The following WDR35 variants were observed in gnomAD, a reference collection of about 807,000 sequenced individuals.
WDR35 encodes the protein WD repeat domain 35.
WDR35 carries 118 observed loss-of-function variants against 158.3 expected under a neutral mutation model. That is an observed-to-expected ratio of 0.75 (90% CI 0.64 to 0.87). WDR35 has a LOEUF of 0.87. Among genes scored for constraint, WDR35 ranks in the 40% least tolerant of loss-of-function variants. The probability of loss-of-function intolerance (pLI) is 0.00; values close to 1 mark genes in which losing one functional copy is unlikely to be tolerated. For missense variants in WDR35, 1,263 were observed against 1,405.8 expected (o/e 0.90, Z 1.62); for synonymous variants, 448 against 476.1 (o/e 0.94, Z 0.77).
chr2:19,974,445 T>G (rs776409781), intron 7 of WDR35, 23 bp downstream of exon 7: 4 of 1,560,372 alleles, frequency 2.6e-6, no homozygotes, highest in Non-Finnish European at 3.5e-6. Context: ...TAAAAAAATT[T>G]TTTAAACAGA....
Position 19,937,793 on chromosome 2 carries a change from G to A in WDR35, c.2217C>T (p.Tyr739=). Residue 739 remains tyrosine, a synonymous_variant, in exon 19 of 27, where the codon TAC becomes TAT. Coordinates refer to ENST00000281405, the MANE Select transcript of WDR35 (RefSeq NM_020779.4). ...TTTCAGCCTCTTCAAACCTGCCGAA[G>A]TAGCCAACAACTTCAGCCTGTTTCA... ...ESMKQAEVVG[Y]FGRFEEAERT... The A allele has an allele frequency of 6.2e-7, 1 of 1,614,096 alleles. No individual in the cohort carries two copies. Among genetic ancestry groups the A allele is most frequent in the South Asian group, 1.1e-5 (1 of 91,084 alleles).
At chr2:19,944,446 C>T (rs1354465245) in intron 16 of WDR35, among the ~76,000 whole-genome samples, 1 of 152,076 alleles carries the variant, frequency 6.6e-6, no homozygotes, top group Non-Finnish European at 1.5e-5. Flanking sequence ...CTTCTCCAGG[C>T]ATATGATTTG....
At chr2:19,967,792 C>T (rs1398439458) in intron 9 of WDR35, among the ~76,000 whole-genome samples, 3 of 152,098 alleles carry the variant, frequency 2.0e-5, no homozygotes, top group Non-Finnish European at 2.9e-5. Flanking sequence ...TACTCCTCAT[C>T]CATTTCCCTT....
rs1368460266 is a variant in WDR35 at position 19,910,732 on chromosome 2, GTGT to G, written c.*2823_*2825del. Reference sequence around the variant, plus strand: ...CCCCTAGTCAAGGGAGAGTTTGTTAGTGTTGTTATCTGGAAATTTCCTTCATGT... The same window carrying G: ...CCCCTAGTCAAGGGAGAGTTTGTTAGTGTTATCTGGAAATTTCCTTCATGT... On this transcript the variant is annotated 3_prime_UTR_variant, in exon 27 of 27. Coordinates refer to ENST00000281405, the MANE Select transcript of WDR35 (RefSeq NM_020779.4). 2.6e-5 allele frequency: 4 copies of G among 152,116 alleles called. No homozygotes were observed. Among genetic ancestry groups the G allele is most frequent in the Non-Finnish European group, 5.9e-5 (4 of 68,034 alleles). 9.4% of individuals were successfully genotyped at this position (152,116 alleles called of 1,614,324 possible).
At chr2:19,948,117 T>C (rs1428894573) in intron 14 of WDR35, 47 bp downstream of exon 14, 3 of 1,469,130 alleles carry the variant, frequency 2.0e-6, no homozygotes, top group Admixed American at 3.8e-5. Context: ...CATATTTTTA[T>C]AATTTAAAGA....
intron 8 of WDR35, among the ~76,000 whole-genome samples, chr2:19,971,772 C>T (rs1043191723): frequency 6.6e-6 from 1 of 152,164 alleles, no homozygotes; most frequent in African/African-American, 2.4e-5. Flanking sequence ...GAGGAGAATA[C>T]GACCATCTTC....
chr2:19,984,002 CATATATATATATATATATATATAT>C (rs753374553), intron 2 of WDR35, among the ~76,000 whole-genome samples: 12,175 of 89,902 alleles, frequency 0.14, 747 homozygotes, highest in East Asian at 0.34. Flanking sequence ...CATTCTAATG[CATATATATATATATATATATATAT>C]ATATATATAT....
chr2:19,941,249 T>C (rs1001679465), intron 17 of WDR35, among the ~76,000 whole-genome samples: 2 of 152,076 alleles, frequency 1.3e-5, no homozygotes, highest in African/African-American at 2.4e-5. Context: ...TTCAAAATCA[T>C]GTCTTGAATT....
At chr2:19,981,159 A>C (rs889673410) in intron 3 of WDR35, among the ~76,000 whole-genome samples, 1 of 152,148 alleles carries the variant, frequency 6.6e-6, no homozygotes, top group African/African-American at 2.4e-5. Flanking sequence ...GACTTTTATC[A>C]TTTTTGGTAG....
At chr2:19,949,170 C>CAAGGTA (rs2103420492) in intron 13 of WDR35, among the ~76,000 whole-genome samples, 1 of 152,198 alleles carries the variant, frequency 6.6e-6, no homozygotes, top group African/African-American at 2.4e-5. Context: ...ACAATTATTT[C>CAAGGTA]AAGGTAAAAT....
intron 14 of WDR35, 90 bp from the exon 15 acceptor site, chr2:19,946,660 T>G: frequency 7.9e-7 from 1 of 1,265,538 alleles, no homozygotes; most frequent in Non-Finnish European, 1.1e-6. Context: ...TACATTTGTC[T>G]TAAAACCAAA....
intron 11 of WDR35, among the ~76,000 whole-genome samples, chr2:19,959,152 A>C (rs1322800555): frequency 6.6e-6 from 1 of 151,890 alleles, no homozygotes; most frequent in Non-Finnish European, 1.5e-5. Flanking sequence ...AAGACTACAA[A>C]AAAAAAAAGT....
At chr2:19,919,000 A>G (rs560960920) in intron 25 of WDR35, among the ~76,000 whole-genome samples, 3 of 152,328 alleles carry the variant, frequency 2.0e-5, no homozygotes, top group Admixed American at 6.5e-5. Flanking sequence ...ATTGGAAGTA[A>G]AACACTCCTC....
At chr2:19,930,184 A>G (rs1670480576) in intron 25 of WDR35, among the ~76,000 whole-genome samples, 1 of 152,016 alleles carries the variant, frequency 6.6e-6, no homozygotes, top group Non-Finnish European at 1.5e-5. Context: ...CTTTTTGCTT[A>G]TCTCAAATTT....
intron 16 of WDR35, among the ~76,000 whole-genome samples, chr2:19,943,533 G>A (rs1670942107): frequency 6.6e-6 from 1 of 151,880 alleles, no homozygotes; most frequent in South Asian, 2.1e-4. Flanking sequence ...ATATTAATAT[G>A]GTAGGTCATG....
chr2:19,984,929 C>T lies in WDR35; in HGVS notation c.143-2395G>A, dbSNP rs1572370902. On this transcript the variant is annotated intron_variant, in intron 2 of 26. Transcript: ENST00000281405. ...TCTGAGAAAGAGATGGTACCATATT[C>T]GCCAGATTCTCTGGCAGGATCATCT... 3.3e-5 allele frequency among the ~76,000 whole-genome samples: 5 copies of T among 152,298 alleles called. 1 individual carries two copies. The highest frequency in any genetic ancestry group is 1.2e-4 in the African/African-American group (5 of 41,568).
intron 3 of WDR35, among the ~76,000 whole-genome samples, chr2:19,981,020 A>G (rs1400000103): frequency 6.6e-6 from 1 of 152,196 alleles, no homozygotes; most frequent in Admixed American, 6.5e-5. Flanking sequence ...AAAGACACCA[A>G]TCATGGCTAG....
At chr2:19,919,195 A>G (rs1274330660) in intron 25 of WDR35, among the ~76,000 whole-genome samples, 3 of 151,972 alleles carry the variant, frequency 2.0e-5, no homozygotes, top group Non-Finnish European at 2.9e-5. Flanking sequence ...CCTGGCTAAC[A>G]TGGTAAAACC....
chr2:19,961,337 T>C (rs1032239198), intron 10 of WDR35, among the ~76,000 whole-genome samples: 2 of 152,228 alleles, frequency 1.3e-5, no homozygotes, highest in Non-Finnish European at 2.9e-5. Context: ...TCTGCCCTAA[T>C]TGAAGAGGAC....
Sources: allele counts gnomAD v4.1 joint callset (sites outside exome capture counted in the v4.1 genomes callset), GRCh38; gene constraint gnomAD v4.1.1; transcripts MANE v1.5; gene names NCBI Gene and HGNC (gene_info 2026-07-23, HGNC 2026-07-21).